The following CNTNAP3 variants were observed in gnomAD, a reference collection of about 807,000 sequenced individuals.
CNTNAP3 encodes contactin associated protein family member 3.
A neutral mutation model predicts 92.1 loss-of-function variants in CNTNAP3; 36 were observed. That is an observed-to-expected ratio of 0.39 (90% confidence interval 0.30 to 0.52). The LOEUF is 0.52. Among genes scored for constraint, CNTNAP3 ranks in the 20% least tolerant of loss-of-function variants. The pLI, the probability that CNTNAP3 is intolerant of heterozygous loss-of-function variation, is 0.76. For missense variants in CNTNAP3, 534 were observed against 1,069.6 expected (o/e 0.50, Z 6.98); for synonymous variants, 232 against 422.3 (o/e 0.55, Z 5.53).
At chr9:39,121,003 G>C (rs1353083736) in intron 13 of CNTNAP3, among the ~76,000 whole-genome samples, 2 of 151,938 alleles carry the variant, frequency 1.3e-5, no homozygotes, top group East Asian at 3.9e-4. Flanking sequence ...TGAGAGTGAA[G>C]ATATTTAAGT....
intron 5 of CNTNAP3, among the ~76,000 whole-genome samples, chr9:39,177,850 T>C (rs2118244714): frequency 9.0e-6 from 1 of 111,296 alleles, no homozygotes; most frequent in East Asian, 2.6e-4. Context: ...TATACACACA[T>C]ATGGTGATCT....
intron 12 of CNTNAP3, 115 bp downstream of exon 12, chr9:39,140,404 A>C (rs954662302): frequency 4.0e-5 from 57 of 1,433,784 alleles, no homozygotes; most frequent in Middle Eastern, 2.6e-4. Context: ...TATATATTTA[A>C]TGCTTCTACT....
intron 23 of CNTNAP3, among the ~76,000 whole-genome samples, chr9:39,074,403 T>C (rs1396051065): frequency 1.4e-5 from 2 of 144,362 alleles, no homozygotes; most frequent in Non-Finnish European, 3.0e-5. Flanking sequence ...TTAAGTTTGG[T>C]TAAAATAAAC....
At chr9:39,117,987 T>G in intron 14 of CNTNAP3, 116 bp downstream of exon 14, 1 of 1,559,842 alleles carries the variant, frequency 6.4e-7, no homozygotes, top group South Asian at 1.2e-5. Flanking sequence ...GTATTTCAGC[T>G]TGCTTGAACA....
intron 21 of CNTNAP3, among the ~76,000 whole-genome samples, chr9:39,084,229 C>G (rs1281918785): frequency 8.7e-5 from 12 of 137,278 alleles, no homozygotes; most frequent in Non-Finnish European, 1.7e-4. Flanking sequence ...GACAGAGTCT[C>G]GCTCTGTCAT....
At chr9:39,104,615 C>A (rs1217470843) in intron 15 of CNTNAP3, among the ~76,000 whole-genome samples, 2 of 152,106 alleles carry the variant, frequency 1.3e-5, no homozygotes, top group Non-Finnish European at 2.9e-5. Flanking sequence ...CTGCACATCA[C>A]ATGTATTCCT....
chr9:39,184,028 C>T, intron 4 of CNTNAP3, among the ~76,000 whole-genome samples: 1 of 147,432 alleles, frequency 6.8e-6, no homozygotes, highest in Non-Finnish European at 1.5e-5. Flanking sequence ...TGTATGTGTT[C>T]TTTTGTGTCT....
At chr9:39,075,739 T>G (rs896090234) in intron 23 of CNTNAP3, among the ~76,000 whole-genome samples, 4 of 152,296 alleles carry the variant, frequency 2.6e-5, no homozygotes, top group African/African-American at 9.6e-5. Flanking sequence ...CATTGTCCTG[T>G]CATTTCTCCA....
chr9:39,085,353 A>C, intron 21 of CNTNAP3: 1 of 220,060 alleles, frequency 4.5e-6, no homozygotes, highest in Non-Finnish European at 8.9e-6. Context: ...CTTGTGTTCA[A>C]CTCAAACGTA....
intron 14 of CNTNAP3, among the ~76,000 whole-genome samples, chr9:39,113,515 TC>T (rs1820760423): frequency 6.6e-6 from 1 of 151,606 alleles, no homozygotes; most frequent in Non-Finnish European, 1.5e-5. Context: ...TCCTGATATT[TC>T]TTTATATTAT....
At chr9:39,094,928 T>C (rs74943709) in intron 18 of CNTNAP3, among the ~76,000 whole-genome samples, 35,088 of 151,310 alleles carry the variant, frequency 0.23, 4,382 homozygotes, top group East Asian at 0.38. Flanking sequence ...TGGGGTTGTA[T>C]TGTCATTTTA....
intron 11 of CNTNAP3, among the ~76,000 whole-genome samples, chr9:39,142,977 T>A (rs1821612825): frequency 6.6e-6 from 1 of 151,964 alleles, no homozygotes; most frequent in African/African-American, 2.4e-5. Context: ...GGACTTTGCA[T>A]CTCTGTTTCC....
intron 23 of CNTNAP3, among the ~76,000 whole-genome samples, chr9:39,074,730 A>T (rs1010184340): frequency 5.3e-5 from 8 of 152,226 alleles, no homozygotes; most frequent in Admixed American, 2.0e-4. Context: ...AAATGGATAC[A>T]TTTTAATGAA....
intron 18 of CNTNAP3, among the ~76,000 whole-genome samples, chr9:39,089,623 A>G (rs1354045391): frequency 4.6e-5 from 7 of 152,226 alleles, no homozygotes; most frequent in African/African-American, 1.7e-4. Flanking sequence ...CAACTTTAAA[A>G]TTTTGAGGAG....
rs1825622811 is a variant in CNTNAP3 at position 39,070,890 on chromosome 9, C to T, written c.*3000G>A. On this transcript the variant is annotated 3_prime_UTR_variant, in exon 24 of 24. Coordinates refer to ENST00000297668, the MANE Select transcript of CNTNAP3 (RefSeq NM_033655.5). ...TGAACAAAGATCCAGAATTATTGGT[C>T]AGTCTAGGCAAACAGTATCAAACAG... Among the ~76,000 whole-genome samples, 1 of 152,212 alleles carries T rather than the reference C, an allele frequency of 6.6e-6. No individual in the cohort carries two copies. The highest frequency in any genetic ancestry group is 1.5e-5 in the Non-Finnish European group (1 of 68,010).
chr9:39,073,751 T>G lies in CNTNAP3; in HGVS notation c.*139A>C. On this transcript the variant is annotated 3_prime_UTR_variant, in exon 24 of 24. Coordinates refer to ENST00000297668, the MANE Select transcript of CNTNAP3 (RefSeq NM_033655.5). ...GCCAGGTGACAGCACTGCACCTGCT[T>G]GTGTGCACCCTGATGGCAACAGCAG... is the stretch of plus-strand genomic sequence containing the variant. The G allele has an allele frequency of 7.5e-7, 1 of 1,328,486 alleles. No homozygotes were observed. Among genetic ancestry groups the G allele is most frequent in the Non-Finnish European group, 9.9e-7 (1 of 1,008,054 alleles). 82.3% of individuals were successfully genotyped at this position (1,328,486 alleles called of 1,614,324 possible).
rs767827479 is a variant in CNTNAP3, at chr9:39,114,035, TAC to T, written c.2237+4066_2237+4067del. 7.3e-3 allele frequency among the ~76,000 whole-genome samples: 1,037 copies of T among 141,440 alleles called. 16 individuals are homozygous for T. The highest frequency in any genetic ancestry group is 0.025 in the African/African-American group (912 of 36,006). The allele number at this position is 141,440 out of a possible 152,430, so 92.8% of individuals were successfully genotyped here. A position where few individuals can be genotyped will look rare whatever the true frequency, so the allele number is the denominator to read the frequency against. The stretch of plus-strand genomic sequence containing the variant: ...ACACACATATATATACACACATATA[TAC>T]ACACACACACACACACACATATATA... On this transcript the variant is annotated intron_variant, in intron 14 of 23. Transcript: ENST00000297668.
intron 13 of CNTNAP3, among the ~76,000 whole-genome samples, chr9:39,123,508 T>A (rs1266217056): frequency 5.3e-5 from 8 of 151,974 alleles, no homozygotes; most frequent in Non-Finnish European, 1.2e-4. Context: ...CAGTTGAGAA[T>A]GTTTCAAAAT....
At chr9:39,112,353 A>G (rs1220217225) in intron 14 of CNTNAP3, among the ~76,000 whole-genome samples, 1 of 151,936 alleles carries the variant, frequency 6.6e-6, no homozygotes, top group Non-Finnish European at 1.5e-5. Context: ...AGAAATGTTA[A>G]GTCAACTTTT....
Sources: allele counts gnomAD v4.1 joint callset (sites outside exome capture counted in the v4.1 genomes callset), GRCh38; gene constraint gnomAD v4.1.1; transcripts MANE v1.5; gene names NCBI Gene and HGNC (gene_info 2026-07-23, HGNC 2026-07-21).